Variants in PIK3C2G observed in about 807,000 individuals in gnomAD.
PIK3C2G encodes the protein phosphatidylinositol-4-phosphate 3-kinase catalytic subunit type 2 gamma.
Under a neutral mutation model 181.1 loss-of-function variants are expected in PIK3C2G, and 168 were observed. The observed-to-expected ratio is 0.93, with a 90% confidence interval of 0.82 to 1.05. The LOEUF is 1.05. Ranked by LOEUF, PIK3C2G falls within the 50% of genes least tolerant of loss-of-function variation. PIK3C2G has a pLI of 0.00. For synonymous variants in PIK3C2G, 573 were observed against 592.2 expected (o/e 0.97, Z 0.47); for missense variants, 1,869 against 1,732.8 (o/e 1.08, Z -1.40).
chr12:18,575,936 A>G (rs1302010321), intron 29 of PIK3C2G, among the ~76,000 whole-genome samples: 1 of 152,184 alleles, frequency 6.6e-6, no homozygotes, highest in Non-Finnish European at 1.5e-5. Context: ...TTCTGCTGCT[A>G]TTGAAAACCT....
At chr12:18,267,433 GAAGT>G (rs1403844576) in intron 1 of PIK3C2G, among the ~76,000 whole-genome samples, 6 of 151,924 alleles carry the variant, frequency 3.9e-5, no homozygotes, top group Non-Finnish European at 5.9e-5. Flanking sequence ...ATATTTTTCA[GAAGT>G]AAGATCTTCT....
chr12:18,652,888 T>A (rs778658278), downstream of PIK3C2G, among the ~76,000 whole-genome samples: 1 of 151,974 alleles, frequency 6.6e-6, no homozygotes, highest in Non-Finnish European at 1.5e-5. Flanking sequence ...ATTGAACATA[T>A]ACATATATAT....
At position 18,362,853 on chromosome 12, in the gene PIK3C2G, A is replaced by G; in HGVS notation, c.1715A>G (p.Lys572Arg). 1 of 1,517,002 alleles carries G rather than the reference A, an allele frequency of 6.6e-7. No individual in the cohort carries two copies. The highest frequency in any genetic ancestry group is 8.8e-7 in the Non-Finnish European group (1 of 1,136,746). 94.0% of individuals were successfully genotyped at this position (1,517,002 alleles called of 1,614,324 possible). ...AACTACAGAAATATTCCAGACAAGAAATTATTTTTTTTCTTGGTCAACTGG... is the reference window on the plus strand; with the variant it reads ...AACTACAGAAATATTCCAGACAAGAGATTATTTTTTTTCTTGGTCAACTGG... ...VRNYRNIPDK[K>R]LFFFLVNWNE... is the part of the protein sequence containing the mutation. The change falls in exon 12 of 33, where the codon AAA (lysine) becomes AGA (arginine). Residue 572 changes from lysine to arginine, a missense_variant. Lys to Arg is a conservative substitution (Grantham distance 26). Coordinates refer to ENST00000538779, the MANE Select transcript of PIK3C2G (RefSeq NM_001288772.2).
At chr12:18,319,566 A>C (rs559481604) in intron 6 of PIK3C2G, among the ~76,000 whole-genome samples, 45 of 152,312 alleles carry the variant, frequency 3.0e-4, no homozygotes, top group African/African-American at 1.1e-3. Context: ...TTTTCTAGCA[A>C]AAGGTACTAT....
chr12:18,254,799 C>G (rs112286491), intron 1 of PIK3C2G, among the ~76,000 whole-genome samples: 4 of 151,988 alleles, frequency 2.6e-5, no homozygotes, highest in African/African-American at 9.6e-5. Flanking sequence ...TTGGAGTGAG[C>G]CAAGATTGCA....
chr12:18,707,568 A>G, the PIK3C2G span, among the ~76,000 whole-genome samples: 1 of 152,150 alleles, frequency 6.6e-6, no homozygotes, highest in African/African-American at 2.4e-5. Context: ...TTTAAGGCTC[A>G]CCTAAGAGTC....
chr12:18,696,937 C>G, the PIK3C2G span, among the ~76,000 whole-genome samples: 2 of 152,108 alleles, frequency 1.3e-5, no homozygotes, highest in Non-Finnish European at 2.9e-5. Flanking sequence ...TACACACAAA[C>G]AGGAACAAAC....
chr12:18,404,410 A>G (rs971742595), intron 16 of PIK3C2G, among the ~76,000 whole-genome samples: 4 of 152,184 alleles, frequency 2.6e-5, no homozygotes, highest in African/African-American at 7.2e-5. Flanking sequence ...ACAAGGTACA[A>G]TTTATAGGGA....
rs754211629 is a variant in PIK3C2G, at chr12:18,391,254, T to C, written c.2126+2T>C. On this transcript the variant is annotated splice_donor_variant, in intron 15 of 32. Coordinates refer to ENST00000538779, the MANE Select transcript of PIK3C2G (RefSeq NM_001288772.2). LOFTEE classifies it high-confidence loss of function. ...TTCACAGAAACAGACTCCCCTACTG[T>C]AAGTGACCTAGGTCTTGTGAATGAA... is the stretch of plus-strand genomic sequence containing the variant. 1 of 1,565,022 alleles carries C rather than the reference T, an allele frequency of 6.4e-7. No homozygotes were observed. Among genetic ancestry groups the C allele is most frequent in the Non-Finnish European group, 8.6e-7 (1 of 1,158,384 alleles).
At chr12:18,460,531 G>A (rs61914365) in intron 18 of PIK3C2G, among the ~76,000 whole-genome samples, 20,735 of 150,922 alleles carry the variant, frequency 0.14, 1,529 homozygotes, top group African/African-American at 0.18. Flanking sequence ...CTGAGATGGC[G>A]CCACTGCACT....
intron 14 of PIK3C2G, among the ~76,000 whole-genome samples, chr12:18,385,366 C>A (rs148787788): frequency 6.6e-6 from 1 of 152,056 alleles, no homozygotes; most frequent in African/African-American, 2.4e-5. Flanking sequence ...CGGAAGCAGT[C>A]GACAGAGTGA....
intron 26 of PIK3C2G, among the ~76,000 whole-genome samples, chr12:18,551,122 C>T (rs919779756): frequency 2.6e-5 from 4 of 151,988 alleles, no homozygotes; most frequent in African/African-American, 7.2e-5. Context: ...GGTTTGCTGG[C>T]CACAAATGCT....
At chr12:18,259,046 T>C (rs1256971926), upstream of PIK3C2G, among the ~76,000 whole-genome samples, 1 of 152,166 alleles carries the variant, frequency 6.6e-6, no homozygotes, top group Non-Finnish European at 1.5e-5. Context: ...AGCTGCATTA[T>C]TACCTGTATC....
intron 30 of PIK3C2G, among the ~76,000 whole-genome samples, chr12:18,599,065 T>A (rs1192766209): frequency 2.0e-5 from 3 of 151,944 alleles, no homozygotes; most frequent in Non-Finnish European, 4.4e-5. Flanking sequence ...GTAAACTAGT[T>A]CAACCACTGT....
chr12:18,543,473 T>C (rs2136260775), intron 25 of PIK3C2G, among the ~76,000 whole-genome samples: 1 of 152,158 alleles, frequency 6.6e-6, no homozygotes, highest in South Asian at 2.1e-4. Context: ...CCCATTCCTA[T>C]GTCCAGGATG....
intron 6 of PIK3C2G, among the ~76,000 whole-genome samples, chr12:18,320,317 A>C (rs1951050765): frequency 1.3e-5 from 2 of 149,932 alleles, no homozygotes; most frequent in South Asian, 4.2e-4. Context: ...CAAGAAGTTA[A>C]GGTATGCGTG....
intron 29 of PIK3C2G, among the ~76,000 whole-genome samples, chr12:18,593,171 A>C (rs1947175550): frequency 6.6e-6 from 1 of 151,908 alleles, no homozygotes. Flanking sequence ...ACTCTACTCA[A>C]GTATTACCCC....
At position 18,391,118 on chromosome 12, in the gene PIK3C2G, T is replaced by C. The variant is rs1342888081; in HGVS notation, c.1996-4T>C. 6.3e-7 allele frequency: 1 copy of C among 1,594,308 alleles called. No homozygotes were observed. Among genetic ancestry groups the C allele is most frequent in the Non-Finnish European group, 8.5e-7 (1 of 1,171,824 alleles). ...CACATGGCAAATCATTTTTTTTCTT[T>C]CAGATTGATTTTCCAGCTACTGGGT... is the stretch of plus-strand genomic sequence containing the variant. On this transcript the variant is annotated splice_polypyrimidine_tract_variant and splice_region_variant and intron_variant, in intron 14 of 32. Coordinates refer to ENST00000538779, the MANE Select transcript of PIK3C2G (RefSeq NM_001288772.2).
intron 16 of PIK3C2G, among the ~76,000 whole-genome samples, chr12:18,403,542 C>T (rs1484858544): frequency 6.6e-6 from 1 of 152,120 alleles, no homozygotes; most frequent in East Asian, 1.9e-4. Context: ...CTATATTTTT[C>T]CTCCTTTGAA....
Sources: allele counts gnomAD v4.1 joint callset (sites outside exome capture counted in the v4.1 genomes callset), GRCh38; gene constraint gnomAD v4.1.1; transcripts MANE v1.5; gene names NCBI Gene and HGNC (gene_info 2026-07-23, HGNC 2026-07-21).